The following SCNN1D variants were observed in gnomAD, a reference collection of about 807,000 sequenced individuals.
The protein encoded by SCNN1D is sodium channel epithelial 1 subunit delta, also known as epithelial sodium channel subunit delta.
Under a neutral mutation model 87.8 loss-of-function variants are expected in SCNN1D, and 104 were observed. That is an observed-to-expected ratio of 1.18 (90% CI 1.01 to 1.39). The LOEUF (loss-of-function observed/expected upper bound fraction) is 1.39, where lower values mean the gene tolerates loss of function less well. Among genes scored for constraint, SCNN1D ranks in the 40% most tolerant of loss-of-function variants. The pLI is 0.00. For missense variants in SCNN1D, 1,324 were observed against 1,093.9 expected (o/e 1.21, Z -2.97); for synonymous variants, 628 against 481.2 (o/e 1.31, Z -3.99).
chr1:1,280,549 G>T lies in SCNN1D; in HGVS notation c.-113G>T. 1.5e-6 allele frequency: 1 copy of T among 661,764 alleles called. No homozygotes were observed. The highest frequency in any genetic ancestry group is 2.8e-6 in the Non-Finnish European group (1 of 355,728). 41.0% of individuals were successfully genotyped at this position (661,764 alleles called of 1,614,324 possible). A position where few individuals can be genotyped will look rare whatever the true frequency, so the allele number is the denominator to read the frequency against. On this transcript the variant is annotated 5_prime_UTR_variant, in exon 1 of 18. Coordinates refer to ENST00000379116, the MANE Select transcript of SCNN1D (RefSeq NM_001130413.4). ...TTGTGCAGATGAAGGTCTTATCGCA[G>T]ATGAAGCCACCAGGTCACAAGCCTC...
Position 1,291,391 on chromosome 1 carries a change from C to T in SCNN1D, c.2190C>T (p.Arg730=), listed in dbSNP as rs138140682. 140 of 1,608,660 alleles carry T rather than the reference C, an allele frequency of 8.7e-5. No individual in the cohort carries two copies. In the African/African-American group the frequency reaches 1.7e-3, roughly 19 times the overall value. Residue 730 remains arginine (R), a synonymous_variant, in exon 18 of 18, where the codon CGC becomes CGT. Coordinates refer to ENST00000379116, the MANE Select transcript of SCNN1D (RefSeq NM_001130413.4). ...TGGTGCTAGGCGGCCGCCGGCTCCG[C>T]AGGGCGTGGTTCTCCTGGCCCAGAG... ...LTLVLGGRRL[R]RAWFSWPRAS...
chr1:1,282,151 A>G, intron 3 of SCNN1D, 91 bp from the exon 4 acceptor site: 1 of 782,940 alleles, frequency 1.3e-6, no homozygotes, highest in Non-Finnish European at 2.2e-6. Context: ...GAGGCACCCC[A>G]GCCCCATCTG....
chr1:1,287,898 G>A, intron 11 of SCNN1D, 41 bp from the exon 12 acceptor site: 1 of 1,520,620 alleles, frequency 6.6e-7, no homozygotes, highest in Non-Finnish European at 8.9e-7. Flanking sequence ...GGCTTTGGGG[G>A]GTGAGGGCAG....
intron 5 of SCNN1D, among the ~76,000 whole-genome samples, 190 bp downstream of exon 5, chr1:1,284,280 G>A (rs1382704645): frequency 4.1e-5 from 4 of 97,256 alleles, no homozygotes; most frequent in East Asian, 3.5e-4. Context: ...GGGGGGACCC[G>A]CCTCGAGGTA....
At chr1:1,288,240 CGTGTCTCTGCT>C (rs1640660655) in intron 12 of SCNN1D, among the ~76,000 whole-genome samples, 2 of 127,004 alleles carry the variant, frequency 1.6e-5, no homozygotes, top group Non-Finnish European at 3.3e-5. Context: ...TGCTCCGTCC[CGTGTCTCTGCT>C]CCGTCCCGTG....
At position 1,290,350 on chromosome 1, in the gene SCNN1D, G is replaced by T. The variant is rs982225238; in HGVS notation, c.1742G>T (p.Gly581Val). ...TACTACCTCCACCCTCTGCCGGCGG[G>T]GGCTGAGTACTGCAGCTCTGCCCGG... Reference protein sequence around the residue: ...CGYYLHPLPAGAEYCSSARHP... With the variant: ...CGYYLHPLPAVAEYCSSARHP... The change falls in exon 13 of 18, where the codon GGG becomes GTG. Residue 581 changes from glycine to valine, a missense_variant. Coordinates refer to ENST00000379116, the MANE Select transcript of SCNN1D (RefSeq NM_001130413.4). The T allele has an allele frequency of 6.3e-7, 1 of 1,597,400 alleles. No homozygotes were observed. The highest frequency in any genetic ancestry group is 1.7e-5 in the Admixed American group (1 of 59,264).
At chr1:1,288,110 G>T (rs755373580) in intron 12 of SCNN1D, 73 bp downstream of exon 12, 4 of 999,726 alleles carry the variant, frequency 4.0e-6, no homozygotes, top group African/African-American at 3.3e-5. Flanking sequence ...CGGGTGGAAC[G>T]GGGGAGGGGT....
At chr1:1,287,404 C>T (rs375233087) in intron 9 of SCNN1D, 104 bp from the exon 10 acceptor site, 57 of 1,487,306 alleles carry the variant, frequency 3.8e-5, no homozygotes, top group Admixed American at 2.9e-4. Flanking sequence ...CAAGGCTGGC[C>T]GGAGGAACTT....
chr1:1,284,718 C>T (rs754123782), intron 5 of SCNN1D, among the ~76,000 whole-genome samples: 6 of 152,076 alleles, frequency 3.9e-5, no homozygotes, highest in Non-Finnish European at 8.8e-5. Flanking sequence ...ACTGCGTGTC[C>T]AGGCGCTGTG....
chr1:1,287,396 A>G (rs898631134), intron 9 of SCNN1D, 97 bp downstream of exon 9: 35 of 1,486,574 alleles, frequency 2.4e-5, no homozygotes, highest in Non-Finnish European at 3.1e-5. Flanking sequence ...GAGCCACCCA[A>G]GGCTGGCCGG....
intron 5 of SCNN1D, 34 bp from the exon 6 acceptor site, chr1:1,285,537 G>A (rs771106647): frequency 2.2e-5 from 30 of 1,391,586 alleles, no homozygotes; most frequent in Admixed American, 1.3e-4. Flanking sequence ...CACGCGGGGC[G>A]CATGGACACG....
Position 1,291,782 on chromosome 1 carries a change from T to C in SCNN1D, c.*172T>C. The C allele has an allele frequency of 4.1e-6, 2 of 492,044 alleles. No individual in the cohort carries two copies. Among genetic ancestry groups the C allele is most frequent in the Non-Finnish European group, 7.0e-6 (2 of 285,868 alleles). 30.5% of individuals were successfully genotyped at this position (492,044 alleles called of 1,614,324 possible). ...GCGCCTCTGGTCAAACCACCTACAC[T>C]GCCTGGGGTGGGTCTCAAGGAGGCC... On this transcript the variant is annotated 3_prime_UTR_variant, in exon 18 of 18. Transcript: ENST00000379116.
rs1640804287 is a variant in SCNN1D at position 1,291,233 on chromosome 1, ACACCCGCACCC to A, written c.2053-12_2053-2del. Reference sequence around the variant, plus strand: ...GCACGGGGGCCTGGGCCCGCCCCTCACACCCGCACCCCACCCGCAGGTGCCGCAGCTGCTCT... The same window carrying A: ...GCACGGGGGCCTGGGCCCGCCCCTCACACCCGCAGGTGCCGCAGCTGCTCT... On this transcript the variant is annotated splice_polypyrimidine_tract_variant and intron_variant, in intron 17 of 17. Coordinates refer to ENST00000379116, the MANE Select transcript of SCNN1D (RefSeq NM_001130413.4). 6.4e-7 allele frequency: 1 copy of A among 1,562,332 alleles called. No individual in the cohort carries two copies. Among genetic ancestry groups the A allele is most frequent in the Non-Finnish European group, 8.7e-7 (1 of 1,154,536 alleles).
At chr1:1,282,129 C>A in intron 3 of SCNN1D, 113 bp from the exon 4 acceptor site, 1 of 677,598 alleles carries the variant, frequency 1.5e-6, no homozygotes, top group Non-Finnish European at 2.7e-6. Flanking sequence ...AGCCCCCTGC[C>A]GCGAGCTTGG....
intron 13 of SCNN1D, 34 bp downstream of exon 13, chr1:1,290,422 C>G: frequency 1.2e-6 from 2 of 1,609,458 alleles, no homozygotes; most frequent in Non-Finnish European, 1.7e-6. Context: ...ACTCTGTCAG[C>G]CATTAGCCGG....
chr1:1,287,335 C>T (rs1295897385), intron 9 of SCNN1D, 36 bp downstream of exon 9: 1 of 1,536,354 alleles, frequency 6.5e-7, no homozygotes, highest in African/African-American at 1.4e-5. Context: ...CCTTCCGTCC[C>T]ACCCCACAGA....
At chr1:1,288,473 C>T (rs570783080) in intron 12 of SCNN1D, among the ~76,000 whole-genome samples, 1 of 91,510 alleles carries the variant, frequency 1.1e-5, no homozygotes, top group Non-Finnish European at 2.2e-5. Context: ...GTCTCTGCTC[C>T]GTCCCGTGTC....
chr1:1,281,497 C>T lies in SCNN1D; in HGVS notation c.164C>T (p.Ala55Val), dbSNP rs372188045. The change falls in exon 3 of 18, where the codon GCG becomes GTG. Residue 55 changes from alanine (A) to valine (V), a missense_variant. Coordinates refer to ENST00000379116, the MANE Select transcript of SCNN1D (RefSeq NM_001130413.4). ...CACCCCACCCCCTGCACCGGGCCAG[C>T]GAGGGGATGGCCCAGAAGAGGGGGA... is the stretch of plus-strand genomic sequence containing the variant. ...SPHPTPCTGP[A>V]RGWPRRGGGP... 2.1e-4 allele frequency: 323 copies of T among 1,531,100 alleles called. 11 individuals are homozygous for T. Among genetic ancestry groups the T allele is most frequent in the East Asian group, 2.1e-3 (84 of 40,892 alleles). 94.8% of individuals were successfully genotyped at this position (1,531,100 alleles called of 1,614,324 possible).
chr1:1,291,313 C>T lies in SCNN1D; in HGVS notation c.2112C>T (p.Val704=). The T allele has an allele frequency of 6.3e-7, 1 of 1,591,974 alleles. No homozygotes were observed. Among genetic ancestry groups the T allele is most frequent in the Non-Finnish European group, 8.5e-7 (1 of 1,171,142 alleles). ...SLCSLWFGAS[V]LSLLELLELL... is the part of the protein sequence containing the mutation. Reference sequence around the variant, plus strand: ...GCAGCCTGTGGTTTGGGGCCTCCGTCCTCTCCCTCCTGGAGCTCCTGGAGC... The same window carrying T: ...GCAGCCTGTGGTTTGGGGCCTCCGTTCTCTCCCTCCTGGAGCTCCTGGAGC... Residue 704 remains valine (V), a synonymous_variant, in exon 18 of 18, where the codon GTC becomes GTT. Transcript: ENST00000379116.
Sources: gnomAD v4.1 joint callset for allele counts (sites outside exome capture counted in the v4.1 genomes callset) on GRCh38, gnomAD v4.1.1 for gene constraint, MANE v1.5 for transcripts, NCBI Gene and HGNC (gene_info 2026-07-23, HGNC 2026-07-21) for gene names.